SAMD12: variants seen among roughly 807,000 people sequenced by gnomAD.
SAMD12 encodes sterile alpha motif domain-containing protein 12.
A neutral mutation model predicts 15.0 loss-of-function variants in SAMD12; 9 were observed. The observed-to-expected ratio is 0.60, with a 90% CI of 0.36 to 1.05. The LOEUF (loss-of-function observed/expected upper bound fraction) is 1.05, where lower values mean the gene tolerates loss of function less well. Ranked by LOEUF, SAMD12 falls within the 50% of genes least tolerant of loss-of-function variation. The probability of loss-of-function intolerance (pLI) is 0.01; values close to 1 mark genes in which losing one functional copy is unlikely to be tolerated. For missense variants in SAMD12, 230 were observed against 234.2 expected (o/e 0.98, Z 0.12); for synonymous variants, 86 against 90.1 (o/e 0.96, Z 0.25).
intron 4 of SAMD12, among the ~76,000 whole-genome samples, chr8:118,251,016 A>C (rs957270991): frequency 1.3e-5 from 2 of 152,074 alleles, no homozygotes; most frequent in Admixed American, 1.3e-4. Flanking sequence ...AAAATGCAAA[A>C]ACCAAGATAC....
intron 4 of SAMD12, among the ~76,000 whole-genome samples, chr8:118,302,078 GTTTT>G (rs58076997): frequency 0.099 from 7,368 of 74,748 alleles, 203 homozygotes; most frequent in Non-Finnish European, 0.12. Context: ...ATCTTTGAGA[GTTTT>G]TTTTTTTTTT....
At chr8:118,578,883 G>A (rs6651163) in intron 2 of SAMD12, among the ~76,000 whole-genome samples, 4 of 152,296 alleles carry the variant, frequency 2.6e-5, no homozygotes, top group African/African-American at 9.6e-5. Context: ...ATTTGTTGGG[G>A]ATGGGTGTTC....
chr8:118,341,218 C>T (rs1817350639), intron 4 of SAMD12, among the ~76,000 whole-genome samples: 1 of 152,088 alleles, frequency 6.6e-6, no homozygotes, highest in Admixed American at 6.6e-5. Context: ...GGGTAGCTGG[C>T]CTTGTGACAT....
chr8:118,296,425 CCTCTT>C (rs1380412301), intron 4 of SAMD12, among the ~76,000 whole-genome samples: 2 of 152,204 alleles, frequency 1.3e-5, no homozygotes, highest in African/African-American at 2.4e-5. Context: ...GCCAGGTTGG[CCTCTT>C]CTCTTATGTG....
At chr8:118,383,321 A>G (rs1819770768) in intron 3 of SAMD12, among the ~76,000 whole-genome samples, 1 of 152,152 alleles carries the variant, frequency 6.6e-6, no homozygotes, top group South Asian at 2.1e-4. Flanking sequence ...GATGAATGCT[A>G]AGAAAGGCAA....
intron 4 of SAMD12, among the ~76,000 whole-genome samples, chr8:118,283,105 T>C (rs1239311561): frequency 6.6e-6 from 1 of 151,586 alleles, no homozygotes; most frequent in Admixed American, 6.6e-5. Flanking sequence ...GGAAAATACA[T>C]AGTACTTCTC....
intron 4 of SAMD12, among the ~76,000 whole-genome samples, chr8:118,280,681 T>A (rs1032826923): frequency 2.0e-5 from 3 of 152,144 alleles, no homozygotes; most frequent in Admixed American, 2.0e-4. Flanking sequence ...TCTTCAGAAA[T>A]GAGAAACTGG....
chr8:118,202,164 T>TTAATAAA (rs1563692447), intron 4 of SAMD12, among the ~76,000 whole-genome samples: 1 of 151,986 alleles, frequency 6.6e-6, no homozygotes, highest in Non-Finnish European at 1.5e-5. Flanking sequence ...TGCGTGGTGT[T>TTAATAAA]TAGTAAATAA....
chr8:118,510,206 C>T (rs906396584), intron 2 of SAMD12, among the ~76,000 whole-genome samples: 1 of 151,598 alleles, frequency 6.6e-6, no homozygotes. Flanking sequence ...TGGTGATCAA[C>T]CCCCCCACCA....
chr8:118,136,216 G>A, the SAMD12 span, among the ~76,000 whole-genome samples: 31 of 151,896 alleles, frequency 2.0e-4, no homozygotes, highest in Non-Finnish European at 3.2e-4. Flanking sequence ...TTTTAGTAGA[G>A]ATGGGGTTTC....
At chr8:118,341,435 C>A (rs899219470) in intron 4 of SAMD12, among the ~76,000 whole-genome samples, 2 of 152,136 alleles carry the variant, frequency 1.3e-5, no homozygotes, top group African/African-American at 4.8e-5. Context: ...TCTAAGAGAC[C>A]ACCTCTGTGC....
At chr8:118,588,149 GAA>G (rs1413100329) in intron 1 of SAMD12, among the ~76,000 whole-genome samples, 1 of 152,198 alleles carries the variant, frequency 6.6e-6, no homozygotes, top group African/African-American at 2.4e-5. Context: ...AAGGTACCCA[GAA>G]AAGTGCCCAG....
intron 2 of SAMD12, among the ~76,000 whole-genome samples, chr8:118,527,771 G>T (rs190208518): frequency 6.6e-6 from 1 of 152,248 alleles, no homozygotes; most frequent in East Asian, 1.9e-4. Context: ...TTAATAAGAT[G>T]TTTAATTAGG....
intron 4 of SAMD12, among the ~76,000 whole-genome samples, chr8:118,245,517 G>A (rs17432651): frequency 0.065 from 9,962 of 152,148 alleles, 450 homozygotes; most frequent in Non-Finnish European, 0.11. Context: ...GTTTATACAG[G>A]AGGAATCTGA....
rs112786468 is a variant in SAMD12, at chr8:118,394,153, T to C, written c.323-14453A>G. Among the ~76,000 whole-genome samples, 622 of 152,354 alleles carry C rather than the reference T, an allele frequency of 4.1e-3. 2 individuals carry two copies. The highest frequency in any genetic ancestry group is 0.014 in the African/African-American group (598 of 41,582). The stretch of plus-strand genomic sequence containing the variant: ...TTGCTCCTTAAAGAAAGTAACAATA[T>C]GCTCATCAAGCTTGAAGTCCAAAAT... On this transcript the variant is annotated intron_variant, in intron 3 of 3. Transcript: ENST00000314727.
intron 1 of SAMD12, among the ~76,000 whole-genome samples, chr8:118,593,827 C>T (rs532419768): frequency 1.7e-4 from 26 of 151,772 alleles, no homozygotes; most frequent in African/African-American, 6.0e-4. Context: ...TCTAAGTAAC[C>T]ACATCTACAC....
intron 1 of SAMD12, among the ~76,000 whole-genome samples, chr8:118,603,384 A>G (rs987766033): frequency 3.4e-4 from 51 of 152,210 alleles, no homozygotes; most frequent in African/African-American, 1.2e-3. Context: ...AGGAAGAACT[A>G]AGTATGTTTT....
chr8:118,149,758 G>A, the SAMD12 span, among the ~76,000 whole-genome samples: 1 of 152,086 alleles, frequency 6.6e-6, no homozygotes, highest in Admixed American at 6.5e-5. Flanking sequence ...CATAATGTGA[G>A]ATATGAAGTT....
intron 2 of SAMD12, among the ~76,000 whole-genome samples, chr8:118,571,788 G>C (rs889637059): frequency 3.3e-5 from 5 of 152,196 alleles, no homozygotes; most frequent in Non-Finnish European, 5.9e-5. Flanking sequence ...GGATGTTCAG[G>C]CAGAAGTTTG....
Sources: allele counts gnomAD v4.1 joint callset (sites outside exome capture counted in the v4.1 genomes callset), GRCh38; gene constraint gnomAD v4.1.1; transcripts MANE v1.5; gene names NCBI Gene and HGNC (gene_info 2026-07-23, HGNC 2026-07-21).